The following SEMA6B variants were observed in gnomAD, a reference collection of about 807,000 sequenced individuals.
SEMA6B encodes the protein semaphorin 6B, also known as semaphorin-6B.
Under a neutral mutation model 78.6 loss-of-function variants are expected in SEMA6B, and 47 were observed. The observed-to-expected ratio is 0.60, with a 90% confidence interval of 0.47 to 0.76. The LOEUF (loss-of-function observed/expected upper bound fraction) is 0.76. Ranked by LOEUF, SEMA6B falls within the 30% of genes least tolerant of loss-of-function variation. SEMA6B has a pLI of 0.00. For missense variants in SEMA6B, 1,213 were observed against 1,269.9 expected, an observed-to-expected ratio of 0.96 and a Z score of 0.68; for synonymous variants, 632 against 592.2, an observed-to-expected ratio of 1.07 and a Z score of -0.98.
Position 4,549,991 on chromosome 19 carries a change from C to T in SEMA6B, c.1271+132G>A, listed in dbSNP as rs1054588693. On this transcript the variant is annotated intron_variant, in intron 12 of 16. Coordinates refer to ENST00000586582, the MANE Select transcript of SEMA6B (RefSeq NM_032108.4). ...TGTCTCTCCATCTTTCCCTCTCTGT[C>T]TCTCTGTGTCTCCAGCTCTCTGGGC... 14 of 791,414 alleles carry T rather than the reference C, an allele frequency of 1.8e-5. No individual in the cohort carries two copies. In the African/African-American group the frequency reaches 2.3e-4, roughly 13 times the overall value. 49.0% of individuals were successfully genotyped at this position (791,414 alleles called of 1,614,324 possible).
In SEMA6B at chr19:4,558,259, T is replaced by A; in HGVS notation, c.121+78A>T. The A allele has an allele frequency of 2.3e-6, 3 of 1,302,494 alleles. No individual in the cohort carries two copies. The highest frequency in any genetic ancestry group is 3.0e-6 in the Non-Finnish European group (3 of 1,015,188). 80.7% of individuals were successfully genotyped at this position (1,302,494 alleles called of 1,614,324 possible). On this transcript the variant is annotated intron_variant, in intron 2 of 16. Coordinates refer to ENST00000586582, the MANE Select transcript of SEMA6B (RefSeq NM_032108.4). This position sits in a 1 kb window ranked among gnomAD's most constrained non-coding sequence, Gnocchi z 5.1. ...CTCCTGGACTGCTTGAGTCCCCCAG[T>A]GGGGGCAGCAGACCCAACTGGGAAC... is the stretch of plus-strand genomic sequence containing the variant.
Position 4,550,827 on chromosome 19 carries a change from C to G in SEMA6B, c.1093G>C (p.Val365Leu). Residue 365 changes from valine (V) to leucine (L), a missense_variant, in exon 11 of 17, where the codon GTG becomes CTG. By Grantham distance (32) the Val-to-Leu change is conservative. Transcript: ENST00000586582. The surrounding 1 kb of genome is among the most constrained non-coding windows in gnomAD (Gnocchi z 6.6). The stretch of plus-strand genomic sequence containing the variant: ...GGTCGAGGCACCTGATCCTCCGGCA[C>G]CGGCGTCCAGATGGACTCGGGGGAC... ...QKSPESIWTP[V>L]PEDQVPRPRP... 6.2e-7 allele frequency: 1 copy of G among 1,613,504 alleles called. No individual in the cohort carries two copies. The highest frequency in any genetic ancestry group is 8.5e-7 in the Non-Finnish European group (1 of 1,180,008).
At position 4,543,146 on chromosome 19, in the gene SEMA6B, A is replaced by G. The variant is rs1014075216; in HGVS notation, c.*455T>C. On this transcript the variant is annotated 3_prime_UTR_variant, in exon 17 of 17. Transcript: ENST00000586582. ...ACGGCACGCACACGCACGCACACCC[A>G]CACACGCCAGGGGCCTGGGTTGGGG... The G allele has an allele frequency of 1.6e-5, 10 of 607,064 alleles. No homozygotes were observed. In the East Asian group the frequency reaches 2.5e-4, roughly 15 times the overall value. The allele number at this position is 607,064 out of a possible 1,614,324, so 37.6% of individuals were successfully genotyped here. A position where few individuals can be genotyped will look rare whatever the true frequency, so the allele number is the denominator to read the frequency against.
At chr19:4,551,393 T>C (rs1172274106) in intron 10 of SEMA6B, among the ~76,000 whole-genome samples, 2 of 151,790 alleles carry the variant, frequency 1.3e-5, no homozygotes, top group African/African-American at 4.8e-5. Flanking sequence ...CTAATTTTTG[T>C]ATTTTTAGTA....
At chr19:4,559,431 T>C (rs1977558945) in intron 1 of SEMA6B, 99 bp downstream of exon 1, 1 of 151,846 alleles carries the variant, frequency 6.6e-6, no homozygotes, top group Non-Finnish European at 1.5e-5. Context: ...GTGTGTGGAG[T>C]GGAGACACTC....
rs201405709 is a variant in SEMA6B at position 4,550,805 on chromosome 19, C to T, written c.1115G>A (p.Arg372Gln). 5.6e-5 allele frequency: 90 copies of T among 1,613,122 alleles called. No individual in the cohort carries two copies. Among genetic ancestry groups the T allele is most frequent in the Admixed American group, 8.3e-5 (5 of 59,974 alleles). ...WTPVPEDQVP[R>Q]PRPGCCAAPG... ...GGATGGAGGGGGTTCTCACCGGGGTCGAGGCACCTGATCCTCCGGCACCGG... is the reference window on the plus strand; with the variant it reads ...GGATGGAGGGGGTTCTCACCGGGGTTGAGGCACCTGATCCTCCGGCACCGG... Residue 372 changes from arginine to glutamine, a missense_variant, in exon 11 of 17, where the codon CGA becomes CAA. Physicochemically the swap from Arg to Gln is conservative, Grantham distance 43. Coordinates refer to ENST00000586582, the MANE Select transcript of SEMA6B (RefSeq NM_032108.4). The surrounding 1 kb of genome is among the most constrained non-coding windows in gnomAD (Gnocchi z 6.6).
rs575663497 is a variant in SEMA6B, at chr19:4,553,395, A to T, written c.772-756T>A. On this transcript the variant is annotated intron_variant, in intron 9 of 16. Transcript: ENST00000586582. ...GATGGGTGAGTGGATGGATGGATGG[A>T]TGGATGGATGGATGGATAGGTGAGT... Among the ~76,000 whole-genome samples the T allele has an allele frequency of 1.4e-3, 199 of 144,298 alleles. 1 individual carries two copies. The Middle Eastern group carries it at 0.015, about 11-fold the overall frequency. 94.7% of individuals were successfully genotyped at this position (144,298 alleles called of 152,430 possible).
Position 4,558,580 on chromosome 19 carries a change from C to T in SEMA6B, c.-32-91G>A. 1.4e-6 allele frequency: 1 copy of T among 725,536 alleles called. No individual in the cohort carries two copies. Among genetic ancestry groups the T allele is most frequent in the South Asian group, 7.1e-5 (1 of 14,030 alleles). 44.9% of individuals were successfully genotyped at this position (725,536 alleles called of 1,614,324 possible). On this transcript the variant is annotated intron_variant, in intron 1 of 16. Coordinates refer to ENST00000586582, the MANE Select transcript of SEMA6B (RefSeq NM_032108.4). The surrounding 1 kb of genome is among the most constrained non-coding windows in gnomAD (Gnocchi z 5.1). The stretch of plus-strand genomic sequence containing the variant: ...AGAGCAGCAGACGCTCCTTCAAATC[C>T]CAGAAAAATTCCTCACGGGGATAAT...
At position 4,543,609 on chromosome 19, in the gene SEMA6B, C is replaced by CG; in HGVS notation, c.2658dup (p.Val887ArgfsTer137). ...ATCGGGGGGCCCCCGGCCTAGGGCA[C>CG]GGGGGGCGCAGTCCTGTCCGCCCCC... On this transcript the variant is annotated frameshift_variant, in exon 17 of 17. Coordinates refer to ENST00000586582, the MANE Select transcript of SEMA6B (RefSeq NM_032108.4). LOFTEE classifies it high-confidence loss of function. 2.4e-6 allele frequency: 3 copies of CG among 1,234,096 alleles called. No homozygotes were observed. The highest frequency in any genetic ancestry group is 1.5e-5 in the African/African-American group (1 of 64,824). The allele number at this position is 1,234,096 out of a possible 1,614,324, so 76.4% of individuals were successfully genotyped here.
chr19:4,548,349 C>G lies in SEMA6B; in HGVS notation c.1368G>C (p.Lys456Asn). The part of the protein sequence containing the change: ...FLGSEAGTVL[K>N]FLVRPNASTS... ...TGCTGGCATTGGGCCGGACGAGGAACTTGAGGACCGTCCCCGCCTCAGAAC... is the reference window on the plus strand; with the variant it reads ...TGCTGGCATTGGGCCGGACGAGGAAGTTGAGGACCGTCCCCGCCTCAGAAC... Residue 456 changes from lysine (K) to asparagine (N), a missense_variant, in exon 13 of 17, where the codon AAG (lysine) becomes AAC (asparagine). Lys to Asn is a moderately conservative substitution (Grantham distance 94, BLOSUM62 0). Coordinates refer to ENST00000586582, the MANE Select transcript of SEMA6B (RefSeq NM_032108.4). 6.2e-7 allele frequency: 1 copy of G among 1,613,918 alleles called. No individual in the cohort carries two copies.
At position 4,550,914 on chromosome 19, in the gene SEMA6B, C is replaced by T. The variant is rs770986387; in HGVS notation, c.1006G>A (p.Val336Ile). 9.3e-6 allele frequency: 15 copies of T among 1,613,500 alleles called. No individual in the cohort carries two copies. Among genetic ancestry groups the T allele is most frequent in the South Asian group, 1.1e-5 (1 of 91,088 alleles). Residue 336 changes from valine to isoleucine, a missense_variant, in exon 11 of 17, where the codon GTC becomes ATC. Val to Ile is a conservative substitution (Grantham distance 29). Transcript: ENST00000586582. The surrounding 1 kb of genome is among the most constrained non-coding windows in gnomAD (Gnocchi z 6.6). ...ACCTGTGTCAGGTCAAAGGCGCAGACAGCCGAGCCAGGGATGCTGAGGGGT... is the reference window on the plus strand; with the variant it reads ...ACCTGTGTCAGGTCAAAGGCGCAGATAGCCGAGCCAGGGATGCTGAGGGGT... ...TPSNSIPGSA[V>I]CAFDLTQVAA...
intron 15 of SEMA6B, 51 bp downstream of exon 15, chr19:4,546,341 A>G: frequency 6.3e-7 from 1 of 1,596,418 alleles, no homozygotes; most frequent in Non-Finnish European, 8.5e-7. Flanking sequence ...GGGATCTGGG[A>G]TCATGGGCGG....
At chr19:4,548,493 T>A (rs752839354) in intron 12 of SEMA6B, 48 bp from the exon 13 acceptor site, 1 of 1,556,706 alleles carries the variant, frequency 6.4e-7, no homozygotes, top group South Asian at 1.1e-5. Flanking sequence ...TATCACCACA[T>A]GCCACCAACA....
At position 4,544,372 on chromosome 19, in the gene SEMA6B, C is replaced by T. The variant is rs1274499753; in HGVS notation, c.1896G>A (p.Arg632=). 2.5e-6 allele frequency: 4 copies of T among 1,584,390 alleles called. No homozygotes were observed. Among genetic ancestry groups the T allele is most frequent in the Admixed American group, 3.5e-5 (2 of 57,464 alleles). Residue 632 remains arginine (R), a synonymous_variant, in exon 17 of 17, where the codon CGG becomes CGA. Coordinates refer to ENST00000586582, the MANE Select transcript of SEMA6B (RefSeq NM_032108.4). This position sits in a 1 kb window ranked among gnomAD's most constrained non-coding sequence, Gnocchi z 5.1. ...CCAGGATGGCCTCCTTGTCCTTGCG[C>T]CGGGCCAGCTCCCGCCGCTCACGGA... ...VGLRERRELA[R]RKDKEAILAH...
rs1461318910 is a variant in SEMA6B, at chr19:4,552,948, T to A, written c.772-309A>T. 6.6e-6 allele frequency among the ~76,000 whole-genome samples: 1 copy of A among 152,222 alleles called. No individual in the cohort carries two copies. Among genetic ancestry groups the A allele is most frequent in the Non-Finnish European group, 1.5e-5 (1 of 68,038 alleles). On this transcript the variant is annotated intron_variant, in intron 9 of 16. Coordinates refer to ENST00000586582, the MANE Select transcript of SEMA6B (RefSeq NM_032108.4). This position sits in a 1 kb window ranked among gnomAD's most constrained non-coding sequence, Gnocchi z 7.4. ...CCTACTGATATCCCCCCATTGTACATGTGGGGACACTGATAAGAGGCACAG... is the reference window on the plus strand; with the variant it reads ...CCTACTGATATCCCCCCATTGTACAAGTGGGGACACTGATAAGAGGCACAG...
At position 4,555,047 on chromosome 19, in the gene SEMA6B, G is replaced by A. The variant is rs1977431345; in HGVS notation, c.611C>T (p.Ala204Val). 3.7e-6 allele frequency: 6 copies of A among 1,613,910 alleles called. No homozygotes were observed. In the East Asian group the frequency reaches 1.1e-4, roughly 30 times the overall value. Reference sequence around the variant, plus strand: ...GTCCCCGAGGCTGCGGTAGATGACAGCATCAATGGCTAGGAAGTCGGTAAC... The same window carrying A: ...GTCCCCGAGGCTGCGGTAGATGACAACATCAATGGCTAGGAAGTCGGTAAC... The part of the protein sequence containing the change: ...ATVTDFLAID[A>V]VIYRSLGDRP... Residue 204 changes from alanine (A) to valine (V), a missense_variant, in exon 8 of 17, where the codon GCT becomes GTT. Transcript: ENST00000586582. This position sits in a 1 kb window ranked among gnomAD's most constrained non-coding sequence, Gnocchi z 6.1.
chr19:4,554,179 A>G (rs1438314376), intron 9 of SEMA6B, among the ~76,000 whole-genome samples: 1 of 152,138 alleles, frequency 6.6e-6, no homozygotes, highest in Non-Finnish European at 1.5e-5. Flanking sequence ...CTTCCAACTC[A>G]AGTCCCTCGT....
In SEMA6B at chr19:4,544,067, G is replaced by A. The variant is rs1977096865; in HGVS notation, c.2201C>T (p.Ala734Val). The change falls in exon 17 of 17, where the codon GCC becomes GTC. Residue 734 changes from alanine (A) to valine (V), a missense_variant. By Grantham distance (64) the Ala-to-Val change is moderately conservative. Coordinates refer to ENST00000586582, the MANE Select transcript of SEMA6B (RefSeq NM_032108.4). This position sits in a 1 kb window ranked among gnomAD's most constrained non-coding sequence, Gnocchi z 5.1. ...GAGCAGGGGGTGGCCGTGGTCCCAG[G>A]CGCGGGGGCCCAGGGCGTGGGGGTG... ...HPHPHALGPR[A>V]WDHGHPLLPA... 3.2e-6 allele frequency: 4 copies of A among 1,233,906 alleles called. No homozygotes were observed. The African/African-American group carries it at 6.3e-5, about 19-fold the overall frequency. The allele number at this position is 1,233,906 out of a possible 1,614,324, so 76.4% of individuals were successfully genotyped here. A position where few individuals can be genotyped will look rare whatever the true frequency, so the allele number is the denominator to read the frequency against.
chr19:4,553,390 G>C (rs1977383210), intron 9 of SEMA6B, among the ~76,000 whole-genome samples: 1 of 148,030 alleles, frequency 6.8e-6, no homozygotes, highest in Non-Finnish European at 1.5e-5. Flanking sequence ...TGGATGGATG[G>C]ATGGATGGAT....
Sources: allele counts gnomAD v4.1 joint callset (sites outside exome capture counted in the v4.1 genomes callset), GRCh38; gene constraint gnomAD v4.1.1; non-coding constraint Gnocchi (gnomAD v3.1); transcripts MANE v1.5; gene names NCBI Gene and HGNC (gene_info 2026-07-23, HGNC 2026-07-21).